Variants in PTPRD observed in about 807,000 individuals in gnomAD.
The protein encoded by PTPRD is protein tyrosine phosphatase receptor type D, also known as receptor-type tyrosine-protein phosphatase delta.
A neutral mutation model predicts 214.5 loss-of-function variants in PTPRD; 34 were observed. That is an observed-to-expected ratio of 0.16 (90% CI 0.12 to 0.21). The LOEUF (loss-of-function observed/expected upper bound fraction) is 0.21. Among genes scored for constraint, PTPRD ranks in the 10% least tolerant of loss-of-function variants. The pLI is 1.00. For missense variants in PTPRD, 2,545 were observed against 2,398.7 expected, an observed-to-expected ratio of 1.06 and a Z score of -1.27; for synonymous variants, 1,128 against 845.7, an observed-to-expected ratio of 1.33 and a Z score of -5.79.
intron 8 of PTPRD, among the ~76,000 whole-genome samples, chr9:9,476,047 G>A (rs2095013902): frequency 6.6e-6 from 1 of 152,068 alleles, no homozygotes; most frequent in Admixed American, 6.5e-5. Context: ...TATTAAAAGG[G>A]CCATTTATGA....
At chr9:9,012,399 C>T (rs1001371426) in intron 11 of PTPRD, among the ~76,000 whole-genome samples, 11 of 152,152 alleles carry the variant, frequency 7.2e-5, no homozygotes, top group African/African-American at 1.9e-4. Flanking sequence ...CTGCCCAATA[C>T]GTACTTAGTT....
chr9:8,845,232 T>A (rs142879934), intron 11 of PTPRD, among the ~76,000 whole-genome samples: 1 of 151,882 alleles, frequency 6.6e-6, no homozygotes, highest in East Asian at 1.9e-4. Flanking sequence ...GTCCTAACAG[T>A]TAACACCACT....
intron 5 of PTPRD, among the ~76,000 whole-genome samples, chr9:9,788,549 C>CT (rs1312829422): frequency 2.0e-5 from 1 of 49,920 alleles, no homozygotes; most frequent in Non-Finnish European, 3.7e-5. Flanking sequence ...GAAGCTCCGT[C>CT]TCAAAAAAAA....
chr9:9,014,776 A>G (rs2099527462), intron 11 of PTPRD, among the ~76,000 whole-genome samples: 1 of 152,260 alleles, frequency 6.6e-6, no homozygotes, highest in East Asian at 1.9e-4. Context: ...TACTTAAAAC[A>G]CGATGTTTAG....
intron 5 of PTPRD, among the ~76,000 whole-genome samples, chr9:9,787,420 T>TAAA (rs34947415): frequency 3.0e-5 from 4 of 131,428 alleles, no homozygotes; most frequent in African/African-American, 5.5e-5. Flanking sequence ...GTCAACTATG[T>TAAA]AAAAAAAAAA....
intron 11 of PTPRD, among the ~76,000 whole-genome samples, chr9:8,943,556 T>C (rs2099046248): frequency 6.7e-6 from 1 of 150,118 alleles, no homozygotes; most frequent in African/African-American, 2.4e-5. Context: ...TAATAAATTA[T>C]TTTTAATAAT....
chr9:10,395,891 T>C (rs1162336460), intron 2 of PTPRD, among the ~76,000 whole-genome samples: 2 of 151,260 alleles, frequency 1.3e-5, no homozygotes, highest in African/African-American at 4.9e-5. Context: ...CTGGAAACAC[T>C]GTGGTCCTGA....
chr9:8,647,377 A>C (rs532704273), intron 12 of PTPRD, among the ~76,000 whole-genome samples: 6 of 152,314 alleles, frequency 3.9e-5, no homozygotes, highest in Admixed American at 1.3e-4. Context: ...AGAATTTTCC[A>C]TGCTTATTTT....
chr9:9,926,361 A>T (rs910385513), intron 5 of PTPRD, among the ~76,000 whole-genome samples: 3 of 152,144 alleles, frequency 2.0e-5, no homozygotes, highest in African/African-American at 7.2e-5. Context: ...ATCATCATAC[A>T]AATTTTTAGT....
chr9:8,635,007 A>C (rs2096383930), intron 13 of PTPRD, among the ~76,000 whole-genome samples: 1 of 149,998 alleles, frequency 6.7e-6, no homozygotes, highest in African/African-American at 2.4e-5. Flanking sequence ...TACTGCTCTC[A>C]GGGACCATAC....
chr9:9,242,868 T>G (rs918619681), intron 9 of PTPRD, among the ~76,000 whole-genome samples: 1 of 152,170 alleles, frequency 6.6e-6, no homozygotes, highest in Non-Finnish European at 1.5e-5. Flanking sequence ...TCCAGCTATG[T>G]TCCATTGCTG....
intron 2 of PTPRD, among the ~76,000 whole-genome samples, chr9:10,575,808 C>G (rs2069101858): frequency 6.6e-6 from 1 of 152,094 alleles, no homozygotes; most frequent in Admixed American, 6.6e-5. Context: ...CTCCCCAACC[C>G]TTTCTCTCCC....
chr9:9,622,690 T>C (rs1279561680), intron 7 of PTPRD, among the ~76,000 whole-genome samples: 2 of 152,210 alleles, frequency 1.3e-5, no homozygotes, highest in Admixed American at 6.5e-5. Context: ...GTAAAATATA[T>C]TTATAATGTT....
At chr9:10,240,078 G>A (rs2099642442) in intron 3 of PTPRD, among the ~76,000 whole-genome samples, 2 of 151,980 alleles carry the variant, frequency 1.3e-5, no homozygotes, top group South Asian at 4.1e-4. Context: ...AGGCCTTGCT[G>A]AGTTGTCCCA....
chr9:10,257,728 A>C (rs1309346590), intron 3 of PTPRD, among the ~76,000 whole-genome samples: 3 of 152,186 alleles, frequency 2.0e-5, no homozygotes, highest in African/African-American at 4.8e-5. Flanking sequence ...TGGTCTATGC[A>C]TGGGCATAGA....
intron 7 of PTPRD, among the ~76,000 whole-genome samples, chr9:9,708,121 G>C (rs113186508): frequency 6.6e-6 from 1 of 152,076 alleles, no homozygotes; most frequent in African/African-American, 2.4e-5. Flanking sequence ...TTACTACGTT[G>C]ATTTAGTTCT....
In PTPRD at chr9:9,455,574, T is replaced by C. The variant is rs1023220213; in HGVS notation, c.-236-58092A>G. On this transcript the variant is annotated intron_variant, in intron 8 of 45. Transcript: ENST00000381196. ...CCCAAAAGGCCTTTCAAGATTAATA[T>C]TATCATTACTCAGCTGTGTTAATTA... 1.6e-4 allele frequency among the ~76,000 whole-genome samples: 25 copies of C among 151,724 alleles called. 1 individual carries two copies. The highest frequency in any genetic ancestry group is 5.8e-4 in the African/African-American group (24 of 41,496).
chr9:9,041,153 G>C (rs556079625), intron 10 of PTPRD, among the ~76,000 whole-genome samples: 2 of 151,992 alleles, frequency 1.3e-5, no homozygotes, highest in African/African-American at 4.8e-5. Flanking sequence ...ATTATAAATG[G>C]GGGAATATAT....
At chr9:8,763,139 T>C (rs1316541821) in intron 11 of PTPRD, among the ~76,000 whole-genome samples, 1 of 152,086 alleles carries the variant, frequency 6.6e-6, no homozygotes, top group Non-Finnish European at 1.5e-5. Flanking sequence ...CTACTGAAGA[T>C]CTCAAAAAGA....
Sources: gnomAD v4.1 joint callset for allele counts (sites outside exome capture counted in the v4.1 genomes callset) on GRCh38, gnomAD v4.1.1 for gene constraint, MANE v1.5 for transcripts, NCBI Gene and HGNC (gene_info 2026-07-23, HGNC 2026-07-21) for gene names.